The following E2F8 variants were observed in gnomAD, a reference collection of about 807,000 sequenced individuals.
E2F8 encodes transcription factor E2F8.
A neutral mutation model predicts 80.8 loss-of-function variants in E2F8; 35 were observed. That is an observed-to-expected ratio of 0.43 (90% CI 0.33 to 0.57). The LOEUF is 0.57. E2F8 is among the 20% of genes least tolerant of loss of function. The pLI is 0.04. For missense variants in E2F8, 975 were observed against 1,056.2 expected (o/e 0.92, Z 1.07); for synonymous variants, 386 against 395.0 (o/e 0.98, Z 0.27).
chr11:19,225,683 G>A, intron 11 of E2F8, 49 bp downstream of exon 11: 2 of 1,611,870 alleles, frequency 1.2e-6, no homozygotes, highest in Non-Finnish European at 1.7e-6. Flanking sequence ...CAAGGCTTAA[G>A]TGAACTTGAG....
chr11:19,237,254 G>A, intron 4 of E2F8, 60 bp downstream of exon 4: 2 of 1,544,154 alleles, frequency 1.3e-6, no homozygotes, highest in Admixed American at 1.7e-5. Context: ...GTCTGAAGGA[G>A]TTAAGTCCAT....
At chr11:19,224,970 G>A in intron 12 of E2F8, 130 bp from the exon 13 acceptor site, 1 of 1,229,158 alleles carries the variant, frequency 8.1e-7, no homozygotes, top group South Asian at 1.5e-5. Context: ...AAATTGGCGA[G>A]GGAAGCTTTG....
chr11:19,235,330 T>C (rs546158453), intron 4 of E2F8, among the ~76,000 whole-genome samples: 1 of 152,274 alleles, frequency 6.6e-6, no homozygotes, highest in Admixed American at 6.5e-5. Context: ...ACTTGTGAAG[T>C]AGGTATTATG....
Position 19,234,375 on chromosome 11 carries a change from T to C in E2F8, c.913A>G (p.Lys305Glu). ...TGACACTTACTTTTAAACTTGCTTT[T>C]ATCCAAATCTTCCACATGGTCCTCC... Reference protein sequence around the residue: ...IGEDHVEDLDKSKFKTKIRRL... With the variant: ...IGEDHVEDLDESKFKTKIRRL... The change falls in exon 6 of 13, where the codon AAA becomes GAA. Residue 305 changes from lysine to glutamate, a missense_variant. Transcript: ENST00000250024. 1.2e-6 allele frequency: 2 copies of C among 1,613,980 alleles called. No individual in the cohort carries two copies. Among genetic ancestry groups the C allele is most frequent in the Non-Finnish European group, 1.7e-6 (2 of 1,179,988 alleles).
intron 12 of E2F8, 41 bp from the exon 13 acceptor site, chr11:19,224,881 A>C (rs1391237889): frequency 6.2e-7 from 1 of 1,607,564 alleles, no homozygotes; most frequent in Admixed American, 1.7e-5. Flanking sequence ...AGTCAACCAC[A>C]CACAGGTACA....
rs747585640 is a variant in E2F8 at position 19,234,445 on chromosome 11, C to G, written c.843G>C (p.Thr281=). The G allele has an allele frequency of 1.2e-6, 2 of 1,614,168 alleles. No homozygotes were observed. The highest frequency in any genetic ancestry group is 2.2e-5 in the South Asian group (2 of 91,088). The change falls in exon 6 of 13, where the codon ACG becomes ACC. Residue 281 remains threonine (T), a synonymous_variant. Coordinates refer to ENST00000250024, the MANE Select transcript of E2F8 (RefSeq NM_024680.4). ...CAACTTCTAGGCTTACTATCTGAGG[C>G]GTTGACACCAAAAACAGCATCACAA... ...QKFVMLFLVS[T]PQIVSLEVAA... is the part of the protein sequence containing the mutation.
chr11:19,230,338 TAGAA>T lies in E2F8; in HGVS notation c.1271-14_1271-11del. 1 of 1,612,184 alleles carries T rather than the reference TAGAA, an allele frequency of 6.2e-7. No individual in the cohort carries two copies. The highest frequency in any genetic ancestry group is 8.5e-7 in the Non-Finnish European group (1 of 1,179,294). The stretch of plus-strand genomic sequence containing the variant: ...TTCTGAGAACTCTCAGCTGGTAAAA[TAGAA>T]AGGAAGAGAGCACCGGTCAAAGCTA... On this transcript the variant is annotated splice_polypyrimidine_tract_variant and intron_variant, in intron 8 of 12. Coordinates refer to ENST00000250024, the MANE Select transcript of E2F8 (RefSeq NM_024680.4).
chr11:19,226,086 CCACCTGTGGTCTTAGGA>C (rs1851230180), intron 10 of E2F8: 5 of 540,726 alleles, frequency 9.2e-6, no homozygotes, highest in Non-Finnish European at 1.6e-5. Flanking sequence ...TTCTTAAATG[CCACCTGTGGTCTTAGGA>C]CACCTTTGGA....
chr11:19,229,593 G>C lies in E2F8; in HGVS notation c.1754C>G (p.Ala585Gly), dbSNP rs905880829. The C allele has an allele frequency of 1.2e-6, 2 of 1,614,152 alleles. No individual in the cohort carries two copies. The highest frequency in any genetic ancestry group is 3.3e-5 in the Admixed American group (2 of 60,022). Residue 585 changes from alanine (A) to glycine (G), a missense_variant, in exon 10 of 13, where the codon GCA (alanine) becomes GGA (glycine). Ala to Gly is a moderately conservative substitution (Grantham distance 60). Coordinates refer to ENST00000250024, the MANE Select transcript of E2F8 (RefSeq NM_024680.4). This position sits in a 1 kb window ranked among gnomAD's most constrained non-coding sequence, Gnocchi z 4.3. ...GCTCTTTGCCCCTTGCCTCTCTGGT[G>C]CTGGCAGCAAGCTTCCAGGCCTGGT... is the stretch of plus-strand genomic sequence containing the variant. Reference protein sequence around the residue: ...ASTRPGSLLPAPERQGAKSRT... With the variant: ...ASTRPGSLLPGPERQGAKSRT...
chr11:19,234,516 C>G lies in E2F8; in HGVS notation c.772G>C (p.Val258Leu). 6.2e-7 allele frequency: 1 copy of G among 1,613,534 alleles called. No homozygotes were observed. ...AAAGACTTGTCTTTGCGGCTGTTTA[C>G]AGAAGCTTTAGAGAAGGATGAGGAT... ...LPGVEFRAAS[V>L]NSRKDKSLRV... The change falls in exon 6 of 13, where the codon GTA (valine) becomes CTA (leucine). Residue 258 changes from valine to leucine, a missense_variant. Coordinates refer to ENST00000250024, the MANE Select transcript of E2F8 (RefSeq NM_024680.4).
At chr11:19,226,572 C>G (rs531380094) in intron 10 of E2F8, among the ~76,000 whole-genome samples, 1 of 152,228 alleles carries the variant, frequency 6.6e-6, no homozygotes, top group Non-Finnish European at 1.5e-5. Context: ...TTCCCACTCC[C>G]TGCCTGTTTT....
rs191569218 is a variant in E2F8, at chr11:19,230,757, G to A, written c.1144C>T (p.Leu382Phe). Reference protein sequence around the residue: ...RSSKENCAKNLFSTRGKPNFT... With the variant: ...RSSKENCAKNFFSTRGKPNFT... ...TTTGGTTTCCCACGTGTGGAAAAGAGGTTTTTGGCACAGTTCTCTTTTGAA... is the reference window on the plus strand; with the variant it reads ...TTTGGTTTCCCACGTGTGGAAAAGAAGTTTTTGGCACAGTTCTCTTTTGAA... The change falls in exon 8 of 13, where the codon CTC becomes TTC. Residue 382 changes from leucine to phenylalanine, a missense_variant. Transcript: ENST00000250024. The A allele has an allele frequency of 2.8e-5, 45 of 1,614,098 alleles. No homozygotes were observed. The highest frequency in any genetic ancestry group is 1.1e-4 in the African/African-American group (8 of 75,052).
At chr11:19,238,165 G>T (rs752130877) in intron 2 of E2F8, 33 bp from the exon 3 acceptor site, 1 of 1,570,508 alleles carries the variant, frequency 6.4e-7, no homozygotes, top group African/African-American at 1.4e-5. Flanking sequence ...TTAAATCCAT[G>T]GTAAAACAGG....
intron 6 of E2F8, 147 bp downstream of exon 6, chr11:19,234,213 A>G: frequency 1.2e-6 from 1 of 814,060 alleles, no homozygotes; most frequent in Non-Finnish European, 1.9e-6. Context: ...AATCAATATT[A>G]TCATGGCTTC....
rs1408955329 is a variant in E2F8, at chr11:19,234,340, A to G, written c.928+20T>C. The G allele has an allele frequency of 5.0e-6, 8 of 1,610,866 alleles. No individual in the cohort carries two copies. The highest frequency in any genetic ancestry group is 6.8e-6 in the Non-Finnish European group (8 of 1,178,930). On this transcript the variant is annotated intron_variant, in intron 6 of 12. Coordinates refer to ENST00000250024, the MANE Select transcript of E2F8 (RefSeq NM_024680.4). The stretch of plus-strand genomic sequence containing the variant: ...TGTTTAAGAATAGGTTCAAAAATCC[A>G]TGGCAGTCATGACACTTACTTTTAA...
intron 10 of E2F8, among the ~76,000 whole-genome samples, chr11:19,227,388 C>T (rs1851263329): frequency 1.3e-5 from 2 of 152,164 alleles, no homozygotes; most frequent in Admixed American, 6.5e-5. Context: ...GTTATATTCT[C>T]TCATGGTACA....
At chr11:19,227,534 A>C (rs868680418) in intron 10 of E2F8, among the ~76,000 whole-genome samples, 11 of 152,264 alleles carry the variant, frequency 7.2e-5, no homozygotes, top group Middle Eastern at 3.4e-3. Context: ...TTTTTTATAA[A>C]ATAATTAGAA....
chr11:19,241,433 CGGCGGGGGCT>C (rs1716964707), upstream of E2F8: 1 of 152,402 alleles, frequency 6.6e-6, no homozygotes, highest in African/African-American at 2.5e-5. The surrounding 1 kb of genome is among the most constrained non-coding windows in gnomAD (Gnocchi z 4.5). Flanking sequence ...CGGCGGGAGC[CGGCGGGGGCT>C]GAGCCGGGAC....
chr11:19,232,714 CAGA>C (rs1344735615), intron 6 of E2F8, among the ~76,000 whole-genome samples: 1 of 152,260 alleles, frequency 6.6e-6, no homozygotes, highest in East Asian at 1.9e-4. Context: ...AATGAGGATT[CAGA>C]AGAATTTTAT....
Sources: allele counts gnomAD v4.1 joint callset (sites outside exome capture counted in the v4.1 genomes callset), GRCh38; gene constraint gnomAD v4.1.1; non-coding constraint Gnocchi (gnomAD v3.1); transcripts MANE v1.5; gene names NCBI Gene and HGNC (gene_info 2026-07-23, HGNC 2026-07-21).